The following ZNF831 variants were observed in gnomAD, a reference collection of about 807,000 sequenced individuals.
The protein encoded by ZNF831 is zinc finger protein 831.
In ZNF831, 59 loss-of-function variants were observed where a neutral mutation model predicts 95.8. The observed-to-expected ratio is 0.62, with a 90% CI of 0.50 to 0.77. The LOEUF is 0.77. Among genes scored for constraint, ZNF831 ranks in the 30% least tolerant of loss-of-function variants. The probability of loss-of-function intolerance (pLI) is 0.00; values close to 1 mark genes in which losing one functional copy is unlikely to be tolerated. For synonymous variants in ZNF831, 961 were observed against 925.5 expected, an observed-to-expected ratio of 1.04 and a Z score of -0.70; for missense variants, 2,205 against 2,164.0, an observed-to-expected ratio of 1.02 and a Z score of -0.38.
In ZNF831 at chr20:59,158,175, C is replaced by T. The variant is rs1003244816; in HGVS notation, c.-1280-1477C>T. Among the ~76,000 whole-genome samples the T allele has an allele frequency of 1.1e-4, 16 of 152,316 alleles. 1 individual carries two copies. Among genetic ancestry groups the T allele is most frequent in the South Asian group, 8.3e-4 (4 of 4,818 alleles). On this transcript the variant is annotated intron_variant, in intron 2 of 7. Coordinates refer to the ZNF831 transcript ENST00000637017. ...TCAGGCGCTTTCATTATCTGTGATGCAGTGAGACTGGCCCGTGGCGACAGG... is the reference window on the plus strand; with the variant it reads ...TCAGGCGCTTTCATTATCTGTGATGTAGTGAGACTGGCCCGTGGCGACAGG...
At chr20:59,177,119 C>T (rs990612221) in intron 1 of ZNF831, among the ~76,000 whole-genome samples, 3 of 152,208 alleles carry the variant, frequency 2.0e-5, no homozygotes, top group Admixed American at 2.0e-4. Context: ...TGTCTTCTGT[C>T]CAGCAATAAA....
Position 59,191,750 on chromosome 20 carries a change from G to A in ZNF831, c.731G>A (p.Arg244Lys), listed in dbSNP as rs2146553081. The A allele has an allele frequency of 6.2e-7, 1 of 1,605,414 alleles. No homozygotes were observed. The highest frequency in any genetic ancestry group is 8.5e-7 in the Non-Finnish European group (1 of 1,175,502). ...GGGATGCACGAAGGCGCCTCGGAGA[G>A]ACCCCTTTCTCCGGGTGCCCACGTG... is the stretch of plus-strand genomic sequence containing the variant. ...CQGMHEGASE[R>K]PLSPGAHVPL... The change falls in exon 2 of 6, where the codon AGA becomes AAA. Residue 244 changes from arginine (R) to lysine (K), a missense_variant. Coordinates refer to ENST00000371030, the MANE Select transcript of ZNF831 (RefSeq NM_178457.3).
chr20:59,245,359 T>C (rs569440076), intron 4 of ZNF831, among the ~76,000 whole-genome samples: 1 of 152,362 alleles, frequency 6.6e-6, no homozygotes, highest in South Asian at 2.1e-4. Context: ...TGGCTGGAGC[T>C]AGGGGTCAGC....
rs2146574271 is a variant in ZNF831 at position 59,192,927 on chromosome 20, A to C, written c.1908A>C (p.Lys636Asn). The C allele has an allele frequency of 6.2e-7, 1 of 1,601,120 alleles. No individual in the cohort carries two copies. The highest frequency in any genetic ancestry group is 8.5e-7 in the Non-Finnish European group (1 of 1,174,184). The change falls in exon 2 of 6, where the codon AAA becomes AAC. Residue 636 changes from lysine to asparagine, a missense_variant. Physicochemically the swap from Lys to Asn is moderately conservative, Grantham distance 94 (BLOSUM62 0). Transcript: ENST00000371030. The surrounding 1 kb of genome is among the most constrained non-coding windows in gnomAD (Gnocchi z 5.2). ...ETFKRIYQKM[K>N]ASPHGGKKAR... ...TCAAAAGGATCTACCAGAAAATGAA[A>C]GCCAGTCCCCATGGAGGCAAGAAAG... is the stretch of plus-strand genomic sequence containing the variant.
At chr20:59,174,968 T>C (rs1300336886) in intron 1 of ZNF831, among the ~76,000 whole-genome samples, 1 of 152,198 alleles carries the variant, frequency 6.6e-6, no homozygotes, top group Non-Finnish European at 1.5e-5. Context: ...TATCTTGATT[T>C]CCCCTTCATT....
At chr20:59,178,104 G>T (rs75799404) in intron 1 of ZNF831, among the ~76,000 whole-genome samples, 5 of 152,316 alleles carry the variant, frequency 3.3e-5, no homozygotes, top group African/African-American at 1.2e-4. Flanking sequence ...CACTGGAGTC[G>T]TGTTTAGCAG....
intron 1 of ZNF831, among the ~76,000 whole-genome samples, chr20:59,130,949 T>C (rs1225274596): frequency 6.6e-6 from 1 of 152,168 alleles, no homozygotes; most frequent in African/African-American, 2.4e-5. Context: ...AGTAATCCTC[T>C]TATCACAGCT....
chr20:59,145,464 C>T (rs1250782804), intron 1 of ZNF831, among the ~76,000 whole-genome samples: 1 of 152,188 alleles, frequency 6.6e-6, no homozygotes, highest in Admixed American at 6.5e-5. Flanking sequence ...CAGAGCAATA[C>T]AGGATGCAAC....
At chr20:59,128,527 A>G (rs1473863174) in intron 1 of ZNF831, among the ~76,000 whole-genome samples, 1 of 152,214 alleles carries the variant, frequency 6.6e-6, no homozygotes, top group Non-Finnish European at 1.5e-5. Flanking sequence ...AGGAGGCAGC[A>G]TGGCAGAGAG....
At chr20:59,235,989 G>A (rs1986977715) in intron 4 of ZNF831, among the ~76,000 whole-genome samples, 1 of 152,188 alleles carries the variant, frequency 6.6e-6, no homozygotes, top group Non-Finnish European at 1.5e-5. Context: ...TTTGAAGGTT[G>A]CTTTTGCATA....
At chr20:59,251,104 A>G (rs1987865010) in intron 4 of ZNF831, among the ~76,000 whole-genome samples, 1 of 152,250 alleles carries the variant, frequency 6.6e-6, no homozygotes, top group African/African-American at 2.4e-5. Context: ...TATGTTATTA[A>G]TAATCTAATT....
chr20:59,243,461 G>T (rs1364471540), intron 4 of ZNF831, among the ~76,000 whole-genome samples: 1 of 152,288 alleles, frequency 6.6e-6, no homozygotes, highest in African/African-American at 2.4e-5. Context: ...CTTTGCACTT[G>T]TGTTACTCTG....
intron 1 of ZNF831, among the ~76,000 whole-genome samples, chr20:59,141,335 T>C (rs1219330137): frequency 6.6e-6 from 1 of 152,252 alleles, no homozygotes; most frequent in African/African-American, 2.4e-5. Context: ...CTAAAAGTTT[T>C]ATAGTTTTAC....
At chr20:59,138,243 A>G (rs1979573165) in intron 1 of ZNF831, among the ~76,000 whole-genome samples, 1 of 152,224 alleles carries the variant, frequency 6.6e-6, no homozygotes, top group South Asian at 2.1e-4. Context: ...TTAGTTGTTT[A>G]ATTCTGTCTG....
At chr20:59,124,763 A>G (rs1285309355) in intron 1 of ZNF831, among the ~76,000 whole-genome samples, 1 of 152,226 alleles carries the variant, frequency 6.6e-6, no homozygotes, top group East Asian at 1.9e-4. Context: ...CGAGAGGCTC[A>G]GTGTGGAATA....
intron 2 of ZNF831, among the ~76,000 whole-genome samples, chr20:59,154,576 G>A (rs1052977197): frequency 1.3e-5 from 2 of 152,158 alleles, no homozygotes; most frequent in African/African-American, 2.4e-5. Flanking sequence ...TTCTCTTAAT[G>A]ACTTTCTCTC....
intron 1 of ZNF831, among the ~76,000 whole-genome samples, chr20:59,179,365 G>A (rs1027996850): frequency 9.9e-5 from 15 of 152,142 alleles, no homozygotes; most frequent in African/African-American, 3.1e-4. Context: ...ACAGTCCAGC[G>A]AAGGGCAGAG....
intron 4 of ZNF831, among the ~76,000 whole-genome samples, chr20:59,251,693 T>A (rs1328730936): frequency 6.6e-6 from 1 of 152,092 alleles, no homozygotes; most frequent in African/African-American, 2.4e-5. Flanking sequence ...AATCAGAAAG[T>A]TTCAAGGAAA....
intron 1 of ZNF831, among the ~76,000 whole-genome samples, chr20:59,132,651 AT>A (rs201275382): frequency 1.3e-5 from 2 of 150,512 alleles, no homozygotes; most frequent in Non-Finnish European, 3.0e-5. Context: ...GTCTTTGCCT[AT>A]TTTTTTTTCA....
Sources: gnomAD v4.1 joint callset for allele counts (sites outside exome capture counted in the v4.1 genomes callset) on GRCh38, gnomAD v4.1.1 for gene constraint, Gnocchi (gnomAD v3.1) non-coding constraint, MANE v1.5 for transcripts, NCBI Gene and HGNC (gene_info 2026-07-23, HGNC 2026-07-21) for gene names.